ARNT2: variants seen among roughly 807,000 people sequenced by gnomAD.
ARNT2 encodes ARNT protein 2.
In ARNT2, 36 loss-of-function variants were observed where a neutral mutation model predicts 91.7. The observed-to-expected ratio is 0.39, with a 90% confidence interval of 0.30 to 0.52. ARNT2 has a LOEUF of 0.52. Among genes scored for constraint, ARNT2 ranks in the 20% least tolerant of loss-of-function variants. The pLI is 0.72. For synonymous variants in ARNT2, 365 were observed against 347.1 expected (o/e 1.05, Z -0.57); for missense variants, 775 against 939.3 (o/e 0.83, Z 2.29).
chr15:80,578,078 T>C lies in ARNT2; in HGVS notation c.1613+1113T>C, dbSNP rs141243230. On this transcript the variant is annotated intron_variant, in intron 15 of 18. Transcript: ENST00000303329. The stretch of plus-strand genomic sequence containing the variant: ...CTCAGCACGCACTGACCGATCTCCG[T>C]TGATGCCAAGCCCTGTGCCAGCCCT... Among the ~76,000 whole-genome samples the C allele has an allele frequency of 3.7e-3, 559 of 152,300 alleles. 1 individual carries two copies. Among genetic ancestry groups the C allele is most frequent in the Admixed American group, 5.8e-3 (88 of 15,302 alleles).
intron 14 of ARNT2, 89 bp from the exon 15 acceptor site, chr15:80,576,777 C>G (rs1898684436): frequency 1.4e-6 from 2 of 1,395,982 alleles, no homozygotes; most frequent in Non-Finnish European, 2.0e-6. Context: ...GTTCCCACGC[C>G]CACCCCTGCA....
At chr15:80,568,091 C>T (rs1898518828) in intron 12 of ARNT2, among the ~76,000 whole-genome samples, 1 of 152,186 alleles carries the variant, frequency 6.6e-6, no homozygotes, top group Non-Finnish European at 1.5e-5. Flanking sequence ...TGTAAAGCCA[C>T]TACAAAGAAG....
At chr15:80,546,243 G>A (rs4641698) in intron 8 of ARNT2, among the ~76,000 whole-genome samples, 12,174 of 152,198 alleles carry the variant, frequency 0.08, 520 homozygotes, top group Middle Eastern at 0.12. Context: ...CTCCACAATC[G>A]TTATTGTGTG....
At chr15:80,577,426 C>T (rs1814862333) in intron 15 of ARNT2, among the ~76,000 whole-genome samples, 1 of 152,218 alleles carries the variant, frequency 6.6e-6, no homozygotes, top group South Asian at 2.1e-4. Context: ...CCAACCTTCC[C>T]AAGGGTTGGT....
intron 11 of ARNT2, among the ~76,000 whole-genome samples, chr15:80,561,687 G>T (rs537375701): frequency 6.6e-6 from 1 of 152,206 alleles, no homozygotes; most frequent in South Asian, 2.1e-4. Flanking sequence ...TTCCCACTCT[G>T]CCCAGCCTGG....
chr15:80,458,214 G>A (rs1896505919), intron 3 of ARNT2, among the ~76,000 whole-genome samples: 1 of 151,966 alleles, frequency 6.6e-6, no homozygotes, highest in South Asian at 2.1e-4. Context: ...TGCTTTATAA[G>A]AAATTAATGT....
chr15:80,410,141 T>G (rs1026479387), intron 1 of ARNT2, among the ~76,000 whole-genome samples: 2 of 152,132 alleles, frequency 1.3e-5, no homozygotes, highest in Non-Finnish European at 2.9e-5. Context: ...TCCAGTTAGA[T>G]GGTGCTAACT....
At chr15:80,509,105 C>G (rs1255101977) in intron 6 of ARNT2, among the ~76,000 whole-genome samples, 1 of 152,146 alleles carries the variant, frequency 6.6e-6, no homozygotes, top group Admixed American at 6.5e-5. Context: ...AAGGGCCTAC[C>G]TGTGCCACGT....
chr15:80,433,701 GA>G (rs918834221), intron 1 of ARNT2: 2 of 152,206 alleles, frequency 1.3e-5, no homozygotes, highest in Non-Finnish European at 2.9e-5. Flanking sequence ...AAGGTTTGCT[GA>G]AAAATCAACT....
At chr15:80,421,993 T>A (rs910193407) in intron 1 of ARNT2, among the ~76,000 whole-genome samples, 3 of 152,122 alleles carry the variant, frequency 2.0e-5, no homozygotes, top group East Asian at 1.9e-4. Flanking sequence ...AATTAATGAC[T>A]TAGAAAGTAG....
chr15:80,503,819 C>T lies in ARNT2; in HGVS notation c.623-4337C>T, dbSNP rs373729112. On this transcript the variant is annotated intron_variant, in intron 5 of 18. Transcript: ENST00000303329. ...CCACTGAATAGAATTCTGGTCTACACATCCTGCTTAAAGATGTACGTACCA... is the reference window on the plus strand; with the variant it reads ...CCACTGAATAGAATTCTGGTCTACATATCCTGCTTAAAGATGTACGTACCA... 1.2e-4 allele frequency among the ~76,000 whole-genome samples: 18 copies of T among 152,360 alleles called. No individual in the cohort carries two copies. In the South Asian group the frequency reaches 2.1e-3, roughly 18 times the overall value.
intron 12 of ARNT2, among the ~76,000 whole-genome samples, chr15:80,569,718 A>AC (rs1334076004): frequency 6.6e-6 from 1 of 152,166 alleles, no homozygotes; most frequent in Non-Finnish European, 1.5e-5. Flanking sequence ...CTGAAAGCAA[A>AC]CCCCCGGCCT....
At chr15:80,593,321 C>T (rs951082134) in intron 18 of ARNT2, among the ~76,000 whole-genome samples, 2 of 152,234 alleles carry the variant, frequency 1.3e-5, no homozygotes, top group African/African-American at 4.8e-5. Flanking sequence ...GTGGGGTTCT[C>T]GTCTACCCTG....
At chr15:80,433,588 C>T (rs904837217) in intron 1 of ARNT2, among the ~76,000 whole-genome samples, 2 of 152,048 alleles carry the variant, frequency 1.3e-5, no homozygotes, top group African/African-American at 4.8e-5. Flanking sequence ...CGTGAGCCAC[C>T]ACACCCAGCC....
intron 1 of ARNT2, chr15:80,433,821 T>G (rs1277419524): frequency 6.6e-6 from 1 of 152,136 alleles, no homozygotes; most frequent in African/African-American, 2.4e-5. Flanking sequence ...TTTTTATGCT[T>G]ATGTTCAACA....
chr15:80,561,136 C>A (rs935964340), intron 11 of ARNT2, among the ~76,000 whole-genome samples: 1 of 152,170 alleles, frequency 6.6e-6, no homozygotes, highest in African/African-American at 2.4e-5. Flanking sequence ...TGCATGCAGT[C>A]TGGCCAAGAC....
chr15:80,412,855 C>G (rs1333911043), intron 1 of ARNT2, among the ~76,000 whole-genome samples: 1 of 152,190 alleles, frequency 6.6e-6, no homozygotes, highest in African/African-American at 2.4e-5. Flanking sequence ...AAGGTTAGAA[C>G]AGAGGCTCAG....
At chr15:80,410,734 A>G (rs1000604953) in intron 1 of ARNT2, among the ~76,000 whole-genome samples, 1 of 151,774 alleles carries the variant, frequency 6.6e-6, no homozygotes, top group Non-Finnish European at 1.5e-5. Flanking sequence ...CATCTTTTCC[A>G]GATCCAGCAA....
At chr15:80,549,284 C>T (rs1417093938) in intron 8 of ARNT2, among the ~76,000 whole-genome samples, 1 of 152,096 alleles carries the variant, frequency 6.6e-6, no homozygotes, top group Non-Finnish European at 1.5e-5. Context: ...CAGAGGAAAA[C>T]AAGAGTGAAT....
Sources: gnomAD v4.1 joint callset for allele counts (sites outside exome capture counted in the v4.1 genomes callset) on GRCh38, gnomAD v4.1.1 for gene constraint, MANE v1.5 for transcripts, NCBI Gene and HGNC (gene_info 2026-07-23, HGNC 2026-07-21) for gene names.